The following PRKCB variants were observed in gnomAD, a reference collection of about 807,000 sequenced individuals.
PRKCB encodes protein kinase C beta type.
PRKCB carries 13 observed loss-of-function variants against 81.5 expected under a neutral mutation model. That is an observed-to-expected ratio of 0.16 (90% confidence interval 0.10 to 0.25). The LOEUF is 0.25. Among genes scored for constraint, PRKCB ranks in the 10% least tolerant of loss-of-function variants. The pLI, the probability that PRKCB is intolerant of heterozygous loss-of-function variation, is 1.00. For missense variants in PRKCB, 509 were observed against 875.7 expected (o/e 0.58, Z 5.29); for synonymous variants, 335 against 321.4 (o/e 1.04, Z -0.45).
chr16:24,017,189 AG>A (rs1409733410), intron 3 of PRKCB, among the ~76,000 whole-genome samples: 1 of 152,182 alleles, frequency 6.6e-6, no homozygotes, highest in African/African-American at 2.4e-5. Context: ...AGATCAGTGG[AG>A]CATAAGACAA....
intron 5 of PRKCB, among the ~76,000 whole-genome samples, chr16:24,042,826 C>T (rs1276328025): frequency 6.6e-6 from 1 of 151,634 alleles, no homozygotes; most frequent in Non-Finnish European, 1.5e-5. Context: ...CAGCCTCGAC[C>T]TCCCAGGCTC....
At chr16:24,071,973 C>A (rs533274354) in intron 5 of PRKCB, among the ~76,000 whole-genome samples, 4 of 152,038 alleles carry the variant, frequency 2.6e-5, no homozygotes, top group African/African-American at 7.3e-5. Context: ...ATGAGGGTGC[C>A]CAATTCAGTT....
At position 23,909,036 on chromosome 16, in the gene PRKCB, G is replaced by T. The variant is rs566590861; in HGVS notation, c.205+71630G>T. ...TGAAGGCAGGGGTTTGTTTTGTTTTGTTTACAGAGCTAGGCGAACAGTTGG... is the reference window on the plus strand; with the variant it reads ...TGAAGGCAGGGGTTTGTTTTGTTTTTTTTACAGAGCTAGGCGAACAGTTGG... On this transcript the variant is annotated intron_variant, in intron 2 of 16. Coordinates refer to ENST00000643927, the MANE Select transcript of PRKCB (RefSeq NM_002738.7). Among the ~76,000 whole-genome samples the T allele has an allele frequency of 5.9e-5, 9 of 152,280 alleles. No individual in the cohort carries two copies. In the East Asian group the frequency reaches 1.7e-3, roughly 29 times the overall value.
At chr16:23,976,179 C>T (rs1964623057) in intron 2 of PRKCB, among the ~76,000 whole-genome samples, 1 of 152,006 alleles carries the variant, frequency 6.6e-6, no homozygotes, top group Non-Finnish European at 1.5e-5. Flanking sequence ...TGGTGTGCAC[C>T]TGTAGTAGCT....
chr16:23,915,712 A>AAAT (rs1963727454), intron 2 of PRKCB, among the ~76,000 whole-genome samples: 1 of 147,230 alleles, frequency 6.8e-6, no homozygotes, highest in East Asian at 2.0e-4. Flanking sequence ...AAAAAAAAAA[A>AAAT]GCAGAAAGAT....
chr16:24,053,386 G>A lies in PRKCB; in HGVS notation c.529+17839G>A, dbSNP rs189849464. On this transcript the variant is annotated intron_variant, in intron 5 of 16. Transcript: ENST00000643927. ...TACTTAACTCTGCCATTGTAACACG[G>A]AAGTGGCCACAGTGTGCCAATGAAT... 2.6e-5 allele frequency among the ~76,000 whole-genome samples: 4 copies of A among 152,324 alleles called. No homozygotes were observed. The East Asian group carries it at 7.7e-4, about 29-fold the overall frequency.
chr16:24,087,241 T>C (rs923361180), intron 5 of PRKCB, among the ~76,000 whole-genome samples: 1 of 152,250 alleles, frequency 6.6e-6, no homozygotes, highest in African/African-American at 2.4e-5. Context: ...GAACCACTAA[T>C]GCCTTCACGC....
intron 2 of PRKCB, among the ~76,000 whole-genome samples, chr16:23,915,129 G>A: frequency 6.6e-6 from 1 of 152,158 alleles, no homozygotes; most frequent in East Asian, 1.9e-4. Flanking sequence ...GTTAGCCCCT[G>A]ATCTCTGGGG....
intron 2 of PRKCB, among the ~76,000 whole-genome samples, chr16:23,937,669 A>G (rs1171750776): frequency 6.6e-6 from 1 of 152,210 alleles, no homozygotes; most frequent in Non-Finnish European, 1.5e-5. Context: ...AACTGGAAAC[A>G]GCTTTGTCTA....
chr16:24,038,637 G>C (rs566070224), intron 5 of PRKCB, among the ~76,000 whole-genome samples: 4 of 152,352 alleles, frequency 2.6e-5, no homozygotes, highest in African/African-American at 4.8e-5. Flanking sequence ...TGATAGAAGA[G>C]AGCCCTGATG....
intron 3 of PRKCB, among the ~76,000 whole-genome samples, chr16:24,001,019 G>A (rs1046057703): frequency 6.6e-6 from 1 of 151,614 alleles, no homozygotes; most frequent in East Asian, 1.9e-4. Context: ...TATTCAATAG[G>A]AGACTGCTTG....
At chr16:24,108,455 A>T (rs1364069675) in intron 7 of PRKCB, among the ~76,000 whole-genome samples, 1 of 145,688 alleles carries the variant, frequency 6.9e-6, no homozygotes, top group East Asian at 2.0e-4. Flanking sequence ...GCAGCTAAAC[A>T]AGTGAACAAA....
At chr16:23,866,558 C>A (rs1179506843) in intron 2 of PRKCB, among the ~76,000 whole-genome samples, 3 of 152,170 alleles carry the variant, frequency 2.0e-5, no homozygotes, top group African/African-American at 4.8e-5. Flanking sequence ...TGAACTTTCT[C>A]CCATGCATAT....
intron 2 of PRKCB, among the ~76,000 whole-genome samples, chr16:23,958,905 G>A (rs750006235): frequency 2.6e-5 from 4 of 152,102 alleles, no homozygotes; most frequent in Admixed American, 6.5e-5. Context: ...TGGTGGTTCC[G>A]AGCCAGATGC....
intron 2 of PRKCB, among the ~76,000 whole-genome samples, chr16:23,960,149 A>G (rs1207691082): frequency 6.6e-6 from 1 of 152,172 alleles, no homozygotes; most frequent in Admixed American, 6.5e-5. Context: ...CCAATGACTT[A>G]TGGGAAACAA....
chr16:23,943,877 A>G (rs1200283335), intron 2 of PRKCB, among the ~76,000 whole-genome samples: 1 of 152,102 alleles, frequency 6.6e-6, no homozygotes, highest in Non-Finnish European at 1.5e-5. Context: ...TTTTTTTCTC[A>G]TAACAACATA....
At chr16:23,881,748 A>G (rs947459185) in intron 2 of PRKCB, among the ~76,000 whole-genome samples, 2 of 152,094 alleles carry the variant, frequency 1.3e-5, no homozygotes, top group Non-Finnish European at 2.9e-5. Flanking sequence ...TTTTAAGTAC[A>G]TTTACATTGT....
At chr16:24,184,702 G>A (rs1421079738) in intron 13 of PRKCB, among the ~76,000 whole-genome samples, 1 of 151,954 alleles carries the variant, frequency 6.6e-6, no homozygotes, top group Non-Finnish European at 1.5e-5. Context: ...TCTCTTAAAC[G>A]TTTTTATGTT....
intron 3 of PRKCB, among the ~76,000 whole-genome samples, chr16:24,001,952 T>C (rs976238907): frequency 6.6e-6 from 1 of 152,216 alleles, no homozygotes; most frequent in Admixed American, 6.5e-5. Context: ...CTTTTCCATT[T>C]CTGCTTTATT....
Sources: allele counts gnomAD v4.1 joint callset (sites outside exome capture counted in the v4.1 genomes callset), GRCh38; gene constraint gnomAD v4.1.1; transcripts MANE v1.5; gene names NCBI Gene and HGNC (gene_info 2026-07-23, HGNC 2026-07-21).